The following GTF2H1 variants were observed in gnomAD, a reference collection of about 807,000 sequenced individuals.
The protein encoded by GTF2H1 is BTF2 p62.
Under a neutral mutation model 71.2 loss-of-function variants are expected in GTF2H1, and 16 were observed. The ratio of observed to expected loss-of-function variants is 0.22; its 90% CI spans 0.15 to 0.34. GTF2H1 has a LOEUF of 0.34. Ranked by LOEUF, GTF2H1 falls within the 10% of genes least tolerant of loss-of-function variation. The pLI, the probability that GTF2H1 is intolerant of heterozygous loss-of-function variation, is 1.00. For missense variants in GTF2H1, 498 were observed against 648.2 expected (o/e 0.77, Z 2.52); for synonymous variants, 215 against 219.0 (o/e 0.98, Z 0.16).
intron 13 of GTF2H1, 67 bp downstream of exon 13, chr11:18,358,707 A>G (rs1055265840): frequency 1.8e-5 from 17 of 957,870 alleles, no homozygotes; most frequent in South Asian, 2.6e-5. Context: ...TTGAAATTGG[A>G]AAGTTTTATT....
chr11:18,328,880 T>G (rs1864832382), intron 1 of GTF2H1, among the ~76,000 whole-genome samples: 1 of 152,234 alleles, frequency 6.6e-6, no homozygotes, highest in African/African-American at 2.4e-5. Flanking sequence ...TGTGTATCTT[T>G]TCATGTCATT....
At chr11:18,325,501 T>G (rs1352414964) in intron 1 of GTF2H1, among the ~76,000 whole-genome samples, 1 of 152,248 alleles carries the variant, frequency 6.6e-6, no homozygotes, top group Non-Finnish European at 1.5e-5. Context: ...ACTATATTAC[T>G]GGGTGCTATA....
chr11:18,352,121 A>G (rs1476271542), intron 10 of GTF2H1, 152 bp downstream of exon 10: 2 of 631,756 alleles, frequency 3.2e-6, no homozygotes, highest in Non-Finnish European at 5.7e-6. Flanking sequence ...GGAAGCAAAA[A>G]TGATCAAACC....
chr11:18,351,821 A>T, intron 9 of GTF2H1, 60 bp from the exon 10 acceptor site: 1 of 903,348 alleles, frequency 1.1e-6, no homozygotes, highest in South Asian at 1.4e-5. Context: ...TTTTTCAGTC[A>T]TGTTTATTGT....
chr11:18,334,142 G>A (rs1760788803), intron 2 of GTF2H1, among the ~76,000 whole-genome samples: 1 of 152,166 alleles, frequency 6.6e-6, no homozygotes, highest in Admixed American at 6.5e-5. Context: ...CACTTTGGGA[G>A]GCCGAGGTGG....
chr11:18,354,040 G>A (rs1328692264), intron 11 of GTF2H1, among the ~76,000 whole-genome samples: 1 of 152,144 alleles, frequency 6.6e-6, no homozygotes, highest in Non-Finnish European at 1.5e-5. Flanking sequence ...TATTTCTCAT[G>A]TGTTTTTAGT....
At chr11:18,351,799 G>A in intron 9 of GTF2H1, 82 bp from the exon 10 acceptor site, 1 of 745,482 alleles carries the variant, frequency 1.3e-6, no homozygotes, top group East Asian at 2.5e-5. Context: ...TTTACCCTCT[G>A]TACAGTTTTG....
chr11:18,336,061 G>T (rs1185739644), intron 3 of GTF2H1, 115 bp downstream of exon 3: 2 of 668,632 alleles, frequency 3.0e-6, no homozygotes, highest in Admixed American at 3.2e-5. Context: ...TTGGTTTTTT[G>T]TTGTTGTCGT....
At chr11:18,351,219 T>C (rs919665963) in intron 9 of GTF2H1, among the ~76,000 whole-genome samples, 6 of 147,692 alleles carry the variant, frequency 4.1e-5, no homozygotes, top group Admixed American at 1.3e-4. Context: ...GGTGGTGATA[T>C]GCGCCTAGAA....
chr11:18,360,551 G>T, intron 13 of GTF2H1, 64 bp from the exon 14 acceptor site: 2 of 743,484 alleles, frequency 2.7e-6, no homozygotes, highest in Non-Finnish European at 2.2e-6. Flanking sequence ...GTAGAAGATT[G>T]TTTTTCTGTT....
chr11:18,344,688 T>C (rs961764712), intron 7 of GTF2H1, among the ~76,000 whole-genome samples: 3 of 151,984 alleles, frequency 2.0e-5, no homozygotes, highest in African/African-American at 7.2e-5. Context: ...ATCTCTTCAT[T>C]ATCTTCTCAT....
chr11:18,357,915 A>C (rs776262443), intron 11 of GTF2H1, 37 bp from the exon 12 acceptor site: 2 of 1,212,936 alleles, frequency 1.6e-6, no homozygotes, highest in South Asian at 2.6e-5. Flanking sequence ...AAAAAAAGGG[A>C]GGAAAACCAG....
chr11:18,325,420 T>C (rs1864738344), intron 1 of GTF2H1, among the ~76,000 whole-genome samples: 1 of 152,230 alleles, frequency 6.6e-6, no homozygotes, highest in Non-Finnish European at 1.5e-5. Context: ...TAGCAAGAGA[T>C]TGTATTCTTT....
At chr11:18,331,917 TGTG>T (rs1422604024) in intron 1 of GTF2H1, among the ~76,000 whole-genome samples, 2 of 152,178 alleles carry the variant, frequency 1.3e-5, no homozygotes, top group Non-Finnish European at 2.9e-5. Flanking sequence ...TGGAGTACGG[TGTG>T]GTGATTATAG....
intron 14 of GTF2H1, among the ~76,000 whole-genome samples, chr11:18,365,094 C>A (rs1437853791): frequency 2.7e-5 from 4 of 148,534 alleles, no homozygotes; most frequent in East Asian, 2.0e-4. Context: ...AAAAAAAAAC[C>A]TGGCCGGGCA....
In GTF2H1 at chr11:18,351,945, C is replaced by A; in HGVS notation, c.1118C>A (p.Ala373Glu). ...LGKNNSVKTI[A>E]LNLKKSDRYY... The stretch of plus-strand genomic sequence containing the variant: ...AAAAATAATTCTGTAAAAACGATTG[C>A]ACTAAACCTCAAGAAGTCAGATAGG... Residue 373 changes from alanine to glutamate, a missense_variant, in exon 10 of 15, where the codon GCA (alanine) becomes GAA (glutamate). Coordinates refer to ENST00000265963, the MANE Select transcript of GTF2H1 (RefSeq NM_005316.4). 6.3e-7 allele frequency: 1 copy of A among 1,591,406 alleles called. No homozygotes were observed. Among genetic ancestry groups the A allele is most frequent in the Non-Finnish European group, 8.6e-7 (1 of 1,159,682 alleles).
intron 1 of GTF2H1, among the ~76,000 whole-genome samples, chr11:18,329,730 C>CT (rs1864850497): frequency 6.6e-6 from 1 of 152,186 alleles, no homozygotes. Context: ...AAACTATTTC[C>CT]TTTGCCTCTG....
chr11:18,335,632 TA>T lies in GTF2H1; in HGVS notation c.155-121del. Reference sequence around the variant, plus strand: ...AGAGTGCATTCTACAAAAGCATCAGTATTGGAATAGGGCAGTTAAAGCCCAA... The same window carrying T: ...AGAGTGCATTCTACAAAAGCATCAGTTTGGAATAGGGCAGTTAAAGCCCAA... On this transcript the variant is annotated intron_variant, in intron 2 of 14. Transcript: ENST00000265963. The T allele has an allele frequency of 4.6e-6, 3 of 656,086 alleles. No homozygotes were observed. The South Asian group carries it at 5.8e-5, about 13-fold the overall frequency. 40.6% of individuals were successfully genotyped at this position (656,086 alleles called of 1,614,324 possible).
chr11:18,342,858 C>T (rs908079502), intron 7 of GTF2H1, among the ~76,000 whole-genome samples: 2 of 152,126 alleles, frequency 1.3e-5, no homozygotes, highest in African/African-American at 4.8e-5. Context: ...TAAAACCAAA[C>T]TAGCTGACTT....
Sources: allele counts gnomAD v4.1 joint callset (sites outside exome capture counted in the v4.1 genomes callset), GRCh38; gene constraint gnomAD v4.1.1; transcripts MANE v1.5; gene names NCBI Gene and HGNC (gene_info 2026-07-23, HGNC 2026-07-21).